NAA60: variants seen among roughly 807,000 people sequenced by gnomAD.
The protein encoded by NAA60 is N-alpha-acetyltransferase 60, NatF catalytic subunit.
NAA60 carries 8 observed loss-of-function variants against 26.1 expected under a neutral mutation model. The ratio of observed to expected loss-of-function variants is 0.31; its 90% CI spans 0.18 to 0.55. The LOEUF is 0.55. Among genes scored for constraint, NAA60 ranks in the 20% least tolerant of loss-of-function variants. The pLI is 0.93. For synonymous variants in NAA60, 131 were observed against 122.5 expected, an observed-to-expected ratio of 1.07 and a Z score of -0.46; for missense variants, 290 against 311.3, an observed-to-expected ratio of 0.93 and a Z score of 0.51.
chr16:3,474,012 G>A (rs1446734671), intron 2 of NAA60, among the ~76,000 whole-genome samples: 1 of 151,630 alleles, frequency 6.6e-6, no homozygotes, highest in Non-Finnish European at 1.5e-5. Flanking sequence ...CATATTACAG[G>A]CATGAGCCAC....
At chr16:3,459,916 A>G (rs2035268177) in intron 2 of NAA60, among the ~76,000 whole-genome samples, 1 of 152,234 alleles carries the variant, frequency 6.6e-6, no homozygotes, top group Non-Finnish European at 1.5e-5. Flanking sequence ...TCAGATTAGA[A>G]TGGAAGAAAG....
chr16:3,481,780 T>C (rs2036853115), intron 4 of NAA60, among the ~76,000 whole-genome samples: 2 of 152,118 alleles, frequency 1.3e-5, no homozygotes, highest in African/African-American at 4.8e-5. Context: ...TGGACTGACA[T>C]ATCTGGGTGA....
At chr16:3,452,538 C>T (rs2034825587) in intron 2 of NAA60, among the ~76,000 whole-genome samples, 1 of 151,784 alleles carries the variant, frequency 6.6e-6, no homozygotes, top group Non-Finnish European at 1.5e-5. Context: ...TGCCTGTAGT[C>T]CCAGCTACTC....
intron 2 of NAA60, among the ~76,000 whole-genome samples, chr16:3,457,674 C>A (rs1262642328): frequency 6.6e-6 from 1 of 152,252 alleles, no homozygotes; most frequent in Non-Finnish European, 1.5e-5. Flanking sequence ...GCGCTGCAGG[C>A]CCTCGCGAGC....
At chr16:3,456,728 T>A (rs2035013327) in intron 2 of NAA60, 1 of 152,146 alleles carries the variant, frequency 6.6e-6, no homozygotes, top group Admixed American at 6.5e-5. Flanking sequence ...GCAGTTATTT[T>A]TTAAAAGGAG....
Position 3,484,918 on chromosome 16 carries a change from TCCATCTGAC to T in NAA60, c.*66_*74del, listed in dbSNP as rs2037075642. 6.5e-7 allele frequency: 1 copy of T among 1,546,324 alleles called. No individual in the cohort carries two copies. The highest frequency in any genetic ancestry group is 2.0e-5 in the Admixed American group (1 of 50,980). On this transcript the variant is annotated 3_prime_UTR_variant, in exon 7 of 8. Coordinates refer to ENST00000407558, the MANE Select transcript of NAA60 (RefSeq NM_001083601.3). Reference sequence around the variant, plus strand: ...GCCGCCCGCAGAGCCCGCCTTCCTGTCCATCTGACCCCTTCTGTTTTCTGCAAGGAGCTG... The same window carrying T: ...GCCGCCCGCAGAGCCCGCCTTCCTGTCCCTTCTGTTTTCTGCAAGGAGCTG...
At chr16:3,451,764 A>G (rs1225455809) in intron 2 of NAA60, among the ~76,000 whole-genome samples, 2 of 152,012 alleles carry the variant, frequency 1.3e-5, no homozygotes, top group Admixed American at 6.6e-5. Flanking sequence ...CAAAAAATGC[A>G]AAAACTAGTG....
intron 2 of NAA60, among the ~76,000 whole-genome samples, chr16:3,474,398 A>T (rs752036459): frequency 8.5e-5 from 13 of 152,172 alleles, no homozygotes; most frequent in Non-Finnish European, 1.9e-4. Flanking sequence ...CCAGCAGAGA[A>T]CCACCCTGGG....
chr16:3,474,442 G>T (rs534954610), intron 2 of NAA60, among the ~76,000 whole-genome samples: 11 of 152,356 alleles, frequency 7.2e-5, no homozygotes, highest in South Asian at 2.1e-4. Context: ...CGCAGAGAAG[G>T]CTCCAGGAAT....
At chr16:3,474,176 C>T (rs147113145) in intron 2 of NAA60, among the ~76,000 whole-genome samples, 5 of 152,320 alleles carry the variant, frequency 3.3e-5, no homozygotes, top group East Asian at 1.9e-4. Flanking sequence ...GCACACCTGA[C>T]GTTGAACCAG....
chr16:3,451,971 T>C (rs2034804330), intron 2 of NAA60, among the ~76,000 whole-genome samples: 1 of 151,656 alleles, frequency 6.6e-6, no homozygotes, highest in Admixed American at 6.6e-5. Flanking sequence ...ATCCCAGCAC[T>C]TTGGGAGGTA....
intron 3 of NAA60, among the ~76,000 whole-genome samples, chr16:3,478,738 C>T (rs913063755): frequency 3.3e-5 from 5 of 152,164 alleles, no homozygotes; most frequent in Admixed American, 6.5e-5. Flanking sequence ...AAACGCCTGT[C>T]AGCTGTGAAC....
intron 7 of NAA60, 157 bp from the exon 8 acceptor site, chr16:3,485,310 G>C (rs1367831031): frequency 3.6e-5 from 19 of 525,656 alleles, no homozygotes; most frequent in Non-Finnish European, 7.0e-5. Context: ...TGGGGACCGA[G>C]AGGCGCCTAG....
intron 3 of NAA60, among the ~76,000 whole-genome samples, chr16:3,477,930 G>A (rs1025194563): frequency 2.0e-5 from 3 of 152,276 alleles, no homozygotes; most frequent in African/African-American, 7.2e-5. Flanking sequence ...TCTGGGCATG[G>A]TGCAGGCACC....
In NAA60 at chr16:3,486,725, G is replaced by C. The variant is rs1483280422; in HGVS notation, c.*1465G>C. The C allele has an allele frequency of 1.3e-5, 2 of 152,408 alleles. No individual in the cohort carries two copies. Among genetic ancestry groups the C allele is most frequent in the African/African-American group, 2.4e-5 (1 of 41,466 alleles). The allele number at this position is 152,408 out of a possible 1,614,324, so 9.4% of individuals were successfully genotyped here. A position where few individuals can be genotyped will look rare whatever the true frequency, so the allele number is the denominator to read the frequency against. On this transcript the variant is annotated 3_prime_UTR_variant, in exon 8 of 8. Transcript: ENST00000407558. Reference sequence around the variant, plus strand: ...TGAGGCTGCCTGCCTGCCGGGCCCAGCTCAGCGCCCTCTCCACTGCGAATC... The same window carrying C: ...TGAGGCTGCCTGCCTGCCGGGCCCACCTCAGCGCCCTCTCCACTGCGAATC...
intron 2 of NAA60, among the ~76,000 whole-genome samples, chr16:3,459,425 C>CG (rs1336563357): frequency 3.3e-5 from 5 of 152,156 alleles, no homozygotes; most frequent in African/African-American, 1.2e-4. Context: ...TATCAGTGAA[C>CG]TGCTTTAAGT....
chr16:3,447,597 C>G, intron 1 of NAA60: 2 of 985,394 alleles, frequency 2.0e-6, no homozygotes, highest in Non-Finnish European at 2.4e-6. Flanking sequence ...ACAGAGCCTT[C>G]TCACCTACAC....
chr16:3,452,818 G>A (rs926492964), intron 2 of NAA60, among the ~76,000 whole-genome samples: 3 of 151,452 alleles, frequency 2.0e-5, no homozygotes, highest in Admixed American at 6.6e-5. Flanking sequence ...AGCCGGGTGT[G>A]GTGGTACGTG....
intron 1 of NAA60, chr16:3,447,566 T>C: frequency 1.0e-6 from 1 of 985,440 alleles, no homozygotes; most frequent in Non-Finnish European, 1.2e-6. Context: ...CATGGGAAGT[T>C]GATACTGATC....
Sources: gnomAD v4.1 joint callset for allele counts (sites outside exome capture counted in the v4.1 genomes callset) on GRCh38, gnomAD v4.1.1 for gene constraint, MANE v1.5 for transcripts, NCBI Gene and HGNC (gene_info 2026-07-23, HGNC 2026-07-21) for gene names.